The following ASTN1 variants were observed in gnomAD, a reference collection of about 807,000 sequenced individuals.
The protein encoded by ASTN1 is astrotactin 1.
A neutral mutation model predicts 140.7 loss-of-function variants in ASTN1; 41 were observed. The ratio of observed to expected loss-of-function variants is 0.29; its 90% CI spans 0.23 to 0.38. The LOEUF (loss-of-function observed/expected upper bound fraction) is 0.38. Among genes scored for constraint, ASTN1 ranks in the 10% least tolerant of loss-of-function variants. The probability of loss-of-function intolerance (pLI) is 1.00; values close to 1 mark genes in which losing one functional copy is unlikely to be tolerated. For missense variants in ASTN1, 1,479 were observed against 1,678.8 expected, an observed-to-expected ratio of 0.88 and a Z score of 2.08; for synonymous variants, 640 against 652.2, an observed-to-expected ratio of 0.98 and a Z score of 0.29.
At chr1:177,112,464 G>A (rs1364621223) in intron 1 of ASTN1, among the ~76,000 whole-genome samples, 3 of 152,164 alleles carry the variant, frequency 2.0e-5, no homozygotes, top group Non-Finnish European at 4.4e-5. Flanking sequence ...CCCGTGTTGG[G>A]CGGGGTGGGT....
intron 8 of ASTN1, among the ~76,000 whole-genome samples, chr1:176,994,107 C>G (rs892386420): frequency 6.6e-6 from 1 of 151,528 alleles, no homozygotes; most frequent in Non-Finnish European, 1.5e-5. Context: ...ACCCCACCCC[C>G]CCCGCCACCC....
intron 1 of ASTN1, among the ~76,000 whole-genome samples, chr1:177,115,787 T>C (rs978868305): frequency 1.3e-5 from 2 of 152,114 alleles, no homozygotes; most frequent in Non-Finnish European, 2.9e-5. Context: ...CATAAACCCA[T>C]TCCCATAGAT....
intron 1 of ASTN1, among the ~76,000 whole-genome samples, chr1:177,128,695 C>A (rs895651899): frequency 1.3e-5 from 2 of 152,072 alleles, no homozygotes; most frequent in Admixed American, 6.5e-5. Context: ...GGGTATTAGA[C>A]AAGAATCTAA....
intron 16 of ASTN1, among the ~76,000 whole-genome samples, chr1:176,906,681 C>T (rs543901934): frequency 6.6e-6 from 1 of 151,872 alleles, no homozygotes; most frequent in South Asian, 2.1e-4. Flanking sequence ...AGGTAAAACC[C>T]CATCTCTACA....
intron 1 of ASTN1, among the ~76,000 whole-genome samples, chr1:177,097,265 C>T (rs560851347): frequency 6.6e-6 from 1 of 152,192 alleles, no homozygotes; most frequent in South Asian, 2.1e-4. Context: ...AGGGAAAGAT[C>T]CCATTATTAT....
chr1:177,077,525 G>A (rs1053357353), intron 1 of ASTN1, among the ~76,000 whole-genome samples: 1 of 152,272 alleles, frequency 6.6e-6, no homozygotes, highest in Non-Finnish European at 1.5e-5. Context: ...AAGAAATAAA[G>A]TAATAAATGT....
At chr1:177,037,963 G>C (rs943334517) in intron 2 of ASTN1, among the ~76,000 whole-genome samples, 1 of 152,182 alleles carries the variant, frequency 6.6e-6, no homozygotes, top group African/African-American at 2.4e-5. Context: ...ACTTACTTAA[G>C]AGAATAGTAT....
At chr1:177,102,018 G>C (rs1276985946) in intron 1 of ASTN1, among the ~76,000 whole-genome samples, 1 of 152,172 alleles carries the variant, frequency 6.6e-6, no homozygotes, top group Non-Finnish European at 1.5e-5. Context: ...GTTCACACCT[G>C]TCATTTTCAA....
intron 2 of ASTN1, among the ~76,000 whole-genome samples, chr1:177,058,574 G>A (rs1481018354): frequency 6.6e-6 from 1 of 151,954 alleles, no homozygotes; most frequent in East Asian, 1.9e-4. Flanking sequence ...TCTTGCTCAG[G>A]GGATCTAATT....
intron 8 of ASTN1, among the ~76,000 whole-genome samples, chr1:176,994,084 C>T (rs1040774750): frequency 1.3e-5 from 2 of 151,484 alleles, no homozygotes; most frequent in African/African-American, 4.9e-5. Flanking sequence ...TATGGAAGTA[C>T]TTGAAAGTTT....
In ASTN1 at chr1:176,936,294, G is replaced by T; in HGVS notation, c.2454C>A (p.Ile818=). ...GAGAGATGGCCACTTGGTTGAGTTTGATGTGGTACATCACAGACCGGACCT... is the reference window on the plus strand; with the variant it reads ...GAGAGATGGCCACTTGGTTGAGTTTTATGTGGTACATCACAGACCGGACCT... The part of the protein sequence containing the change: ...HWKVRSVMYH[I]KLNQVAISQA... The change falls in exon 15 of 23, where the codon ATC becomes ATA. Residue 818 remains isoleucine, a synonymous_variant. Coordinates refer to ENST00000361833, the MANE Select transcript of ASTN1 (RefSeq NM_004319.3). The T allele has an allele frequency of 6.2e-7, 1 of 1,614,070 alleles. No individual in the cohort carries two copies. Among genetic ancestry groups the T allele is most frequent in the Non-Finnish European group, 8.5e-7 (1 of 1,179,968 alleles).
chr1:176,994,734 T>G (rs542668565), intron 8 of ASTN1, among the ~76,000 whole-genome samples: 1 of 152,308 alleles, frequency 6.6e-6, no homozygotes, highest in East Asian at 1.9e-4. Flanking sequence ...TTTCTTCACC[T>G]ATAAAGTGGA....
chr1:177,053,499 T>C (rs1677641570), intron 2 of ASTN1, among the ~76,000 whole-genome samples: 1 of 152,218 alleles, frequency 6.6e-6, no homozygotes, highest in Admixed American at 6.5e-5. Context: ...GCATTAATAA[T>C]GTGATTAAAT....
chr1:177,069,219 C>T (rs1433310372), intron 1 of ASTN1, among the ~76,000 whole-genome samples: 1 of 152,114 alleles, frequency 6.6e-6, no homozygotes. Flanking sequence ...CATATAGATG[C>T]TTCCAAATAA....
intron 16 of ASTN1, among the ~76,000 whole-genome samples, chr1:176,901,491 C>A (rs1669764161): frequency 2.0e-5 from 3 of 152,194 alleles, no homozygotes; most frequent in Non-Finnish European, 4.4e-5. Context: ...GAAAGGTAAA[C>A]TTCTCCCTGT....
intron 16 of ASTN1, among the ~76,000 whole-genome samples, chr1:176,921,955 T>C (rs966225238): frequency 6.6e-6 from 1 of 152,186 alleles, no homozygotes; most frequent in African/African-American, 2.4e-5. Context: ...TTCACTCGTT[T>C]ATTCAAAAAA....
rs756103645 is a variant in ASTN1, at chr1:176,868,992, A to G, written c.3499T>C (p.Tyr1167His). 2.8e-5 allele frequency: 45 copies of G among 1,604,154 alleles called. No individual in the cohort carries two copies. The highest frequency in any genetic ancestry group is 3.5e-5 in the Non-Finnish European group (41 of 1,174,660). ...ADKIYNLFNG[Y>H]TSGKEQQTAY... ...GTCTGCTGCTCCTTCCCACTAGTGT[A>G]GCCATTGAAGAGATTGTAGATCTTG... Residue 1167 changes from tyrosine to histidine, a missense_variant, in exon 22 of 23, where the codon TAC becomes CAC. Transcript: ENST00000361833.
chr1:176,941,519 C>G (rs1244817436), intron 14 of ASTN1, among the ~76,000 whole-genome samples: 1 of 152,092 alleles, frequency 6.6e-6, no homozygotes, highest in African/African-American at 2.4e-5. Context: ...TCCAATGGGC[C>G]AAATTAGGAG....
intron 8 of ASTN1, among the ~76,000 whole-genome samples, chr1:176,992,161 C>G (rs1674212664): frequency 6.6e-6 from 1 of 152,148 alleles, no homozygotes; most frequent in Non-Finnish European, 1.5e-5. Flanking sequence ...CCCCAAGTCC[C>G]TCAATGCAGA....
Sources: gnomAD v4.1 joint callset for allele counts (sites outside exome capture counted in the v4.1 genomes callset) on GRCh38, gnomAD v4.1.1 for gene constraint, MANE v1.5 for transcripts, NCBI Gene and HGNC (gene_info 2026-07-23, HGNC 2026-07-21) for gene names.